ZNF423: variants seen among roughly 807,000 people sequenced by gnomAD.
ZNF423 encodes Ebf-associated zinc finger protein.
ZNF423 carries 12 observed loss-of-function variants against 95.8 expected under a neutral mutation model. The ratio of observed to expected loss-of-function variants is 0.13; its 90% confidence interval spans 0.08 to 0.20. The LOEUF (loss-of-function observed/expected upper bound fraction) is 0.20, where lower values mean the gene tolerates loss of function less well. Ranked by LOEUF, ZNF423 falls within the 10% of genes least tolerant of loss-of-function variation. ZNF423 has a pLI of 1.00. For missense variants in ZNF423, 1,316 were observed against 1,737.1 expected (o/e 0.76, Z 4.31); for synonymous variants, 749 against 711.9 (o/e 1.05, Z -0.83).
chr16:49,840,730 T>G (rs1486520379), intron 1 of ZNF423, among the ~76,000 whole-genome samples: 1 of 151,718 alleles, frequency 6.6e-6, no homozygotes, highest in African/African-American at 2.4e-5. Flanking sequence ...CACACACTAG[T>G]ACACACAGAC....
intron 5 of ZNF423, among the ~76,000 whole-genome samples, chr16:49,563,726 T>C (rs984585919): frequency 6.6e-6 from 1 of 152,156 alleles, no homozygotes; most frequent in African/African-American, 2.4e-5. Context: ...GGCATCCACC[T>C]GCACCTCTCC....
intron 1 of ZNF423, among the ~76,000 whole-genome samples, chr16:49,803,099 T>TA (rs915405596): frequency 1.6e-4 from 24 of 146,846 alleles, no homozygotes; most frequent in Middle Eastern, 3.5e-3. Context: ...TACAGAAAAA[T>TA]AAAAAAAAAA....
At chr16:49,761,052 G>GCA (rs35910612) in intron 2 of ZNF423, among the ~76,000 whole-genome samples, 6,437 of 150,702 alleles carry the variant, frequency 0.043, 456 homozygotes, top group African/African-American at 0.15. Flanking sequence ...ACACATACAT[G>GCA]CACACACACA....
At chr16:49,753,413 G>A (rs1258592760) in intron 2 of ZNF423, among the ~76,000 whole-genome samples, 2 of 147,976 alleles carry the variant, frequency 1.4e-5, no homozygotes, top group Non-Finnish European at 3.0e-5. Context: ...ACCAGCCTGG[G>A]CAACATAGCA....
rs1019542642 is a variant in ZNF423 at position 49,722,939 on chromosome 16, T to G, written c.301+7832A>C. On this transcript the variant is annotated intron_variant, in intron 3 of 7. Transcript: ENST00000563137. Reference sequence around the variant, plus strand: ...GTTTAAATTTGCAGTTCCCTTACTATAAACGGGGTTCTAATTTTTTTTTTT... The same window carrying G: ...GTTTAAATTTGCAGTTCCCTTACTAGAAACGGGGTTCTAATTTTTTTTTTT... Among the ~76,000 whole-genome samples the G allele has an allele frequency of 1.1e-3, 168 of 150,616 alleles. 1 individual carries two copies. The highest frequency in any genetic ancestry group is 3.9e-3 in the African/African-American group (161 of 40,868).
chr16:49,835,484 G>GC (rs2035108213), intron 1 of ZNF423, among the ~76,000 whole-genome samples: 1 of 152,166 alleles, frequency 6.6e-6, no homozygotes, highest in Non-Finnish European at 1.5e-5. Context: ...AAACAGCGAC[G>GC]CCCCCTAGCC....
At chr16:49,674,564 G>C (rs568111841) in intron 3 of ZNF423, among the ~76,000 whole-genome samples, 25 of 152,214 alleles carry the variant, frequency 1.6e-4, no homozygotes, top group Admixed American at 1.6e-3. Context: ...TCCACCCCCT[G>C]CACCACCAGG....
intron 1 of ZNF423, among the ~76,000 whole-genome samples, chr16:49,838,475 A>G (rs765358933): frequency 6.6e-6 from 1 of 152,200 alleles, no homozygotes; most frequent in African/African-American, 2.4e-5. Flanking sequence ...CATTACGTGT[A>G]TGAGGATGTA....
intron 2 of ZNF423, among the ~76,000 whole-genome samples, chr16:49,787,746 C>T (rs1171914214): frequency 6.6e-6 from 1 of 152,170 alleles, no homozygotes; most frequent in Non-Finnish European, 1.5e-5. Context: ...TGCCAGCACC[C>T]TCCTTGCACG....
chr16:49,713,613 C>T (rs375705138), intron 3 of ZNF423, among the ~76,000 whole-genome samples: 10 of 152,184 alleles, frequency 6.6e-5, no homozygotes, highest in South Asian at 4.1e-4. Context: ...TTCCCCTGCC[C>T]GCTTCTGCAA....
chr16:49,767,773 C>T (rs988152976), intron 2 of ZNF423, among the ~76,000 whole-genome samples: 1 of 152,198 alleles, frequency 6.6e-6, no homozygotes, highest in African/African-American at 2.4e-5. Context: ...AGAAGGAATC[C>T]TCTGAAGTCC....
At chr16:49,799,980 G>A (rs948073009) in intron 1 of ZNF423, among the ~76,000 whole-genome samples, 7 of 152,090 alleles carry the variant, frequency 4.6e-5, no homozygotes, top group South Asian at 2.1e-4. Flanking sequence ...CTGGCCAAGC[G>A]TGGGAGCTCA....
At chr16:49,830,730 C>A (rs1052523345) in intron 1 of ZNF423, among the ~76,000 whole-genome samples, 1 of 152,132 alleles carries the variant, frequency 6.6e-6, no homozygotes, top group East Asian at 1.9e-4. Context: ...AGGGCACCAG[C>A]CAATGAGTTG....
At chr16:49,757,752 T>C (rs1467747055) in intron 2 of ZNF423, among the ~76,000 whole-genome samples, 1 of 152,158 alleles carries the variant, frequency 6.6e-6, no homozygotes, top group Non-Finnish European at 1.5e-5. Context: ...CCACGTGCCC[T>C]GGACAGCCCC....
intron 5 of ZNF423, among the ~76,000 whole-genome samples, chr16:49,549,767 T>C (rs1446596734): frequency 6.6e-6 from 1 of 152,350 alleles, no homozygotes; most frequent in East Asian, 1.9e-4. Flanking sequence ...ATTATGTAAC[T>C]TGCTCAAGAT....
Position 49,489,554 on chromosome 16 carries a change from C to T in ZNF423, c.*1721G>A, listed in dbSNP as rs551847260. The T allele has an allele frequency of 6.6e-6, 1 of 152,352 alleles. No individual in the cohort carries two copies. Among genetic ancestry groups the T allele is most frequent in the Non-Finnish European group, 1.5e-5 (1 of 68,042 alleles). 9.4% of individuals were successfully genotyped at this position (152,352 alleles called of 1,614,324 possible). ...ACTGAAAGCCCCACCCGCGTGAGAA[C>T]ATTACATGAGGTGACAGAAAGAAAG... On this transcript the variant is annotated 3_prime_UTR_variant, in exon 8 of 8. Coordinates refer to ENST00000563137, the MANE Select transcript of ZNF423 (RefSeq NM_001379286.1).
At chr16:49,769,558 C>T (rs79035611) in intron 2 of ZNF423, among the ~76,000 whole-genome samples, 5 of 152,156 alleles carry the variant, frequency 3.3e-5, no homozygotes, top group Non-Finnish European at 5.9e-5. Context: ...AACCTGATCA[C>T]GCCACTGCCC....
chr16:49,615,130 T>TCTCA (rs373291400), intron 5 of ZNF423, among the ~76,000 whole-genome samples: 3 of 141,154 alleles, frequency 2.1e-5, no homozygotes, highest in African/African-American at 5.5e-5. Flanking sequence ...AAACTCCATC[T>TCTCA]CACACACACA....
At chr16:49,648,872 T>G (rs1048102519) in intron 3 of ZNF423, among the ~76,000 whole-genome samples, 1 of 151,996 alleles carries the variant, frequency 6.6e-6, no homozygotes, top group African/African-American at 2.4e-5. Context: ...TCTAGGAAAT[T>G]TGGGGGTATT....
Sources: gnomAD v4.1 joint callset for allele counts (sites outside exome capture counted in the v4.1 genomes callset) on GRCh38, gnomAD v4.1.1 for gene constraint, MANE v1.5 for transcripts, NCBI Gene and HGNC (gene_info 2026-07-23, HGNC 2026-07-21) for gene names.